HEATR5B: variants seen among roughly 807,000 people sequenced by gnomAD.
HEATR5B encodes HEAT repeat containing 5B.
A neutral mutation model predicts 224.1 loss-of-function variants in HEATR5B; 156 were observed. The observed-to-expected ratio is 0.70, with a 90% CI of 0.61 to 0.80. The LOEUF is 0.80. HEATR5B is among the 30% of genes least tolerant of loss of function. The pLI is 0.00. For missense variants in HEATR5B, 2,323 were observed against 2,535.5 expected, an observed-to-expected ratio of 0.92 and a Z score of 1.80; for synonymous variants, 1,027 against 893.0, an observed-to-expected ratio of 1.15 and a Z score of -2.68.
rs184174449 is a variant in HEATR5B at position 37,046,314 on chromosome 2, C to T, written c.2696+3339G>A. ...TTTATTAAAACTCTTAATAAGCTATCCACAACCAGACTTCTGGCAACCTCA... is the reference window on the plus strand; with the variant it reads ...TTTATTAAAACTCTTAATAAGCTATTCACAACCAGACTTCTGGCAACCTCA... On this transcript the variant is annotated intron_variant, in intron 18 of 35. Transcript: ENST00000233099. Among the ~76,000 whole-genome samples, 170 of 152,246 alleles carry T rather than the reference C, an allele frequency of 1.1e-3. 1 individual carries two copies. Among genetic ancestry groups the T allele is most frequent in the Non-Finnish European group, 1.9e-3 (128 of 68,014 alleles).
rs1005029215 is a variant in HEATR5B, at chr2:37,036,773, A to T, written c.3216+1082T>A. On this transcript the variant is annotated intron_variant, in intron 21 of 35. Transcript: ENST00000233099. The stretch of plus-strand genomic sequence containing the variant: ...GTGATCCCCCCGCCTTGGCCTCTCA[A>T]AGTGCTGGGATTACAGGCATGACCC... 6.6e-5 allele frequency among the ~76,000 whole-genome samples: 10 copies of T among 152,112 alleles called. No individual in the cohort carries two copies. In the East Asian group the frequency reaches 1.7e-3, roughly 27 times the overall value.
At chr2:37,074,814 C>T (rs765245533) in intron 5 of HEATR5B, among the ~76,000 whole-genome samples, 10 of 152,032 alleles carry the variant, frequency 6.6e-5, no homozygotes, top group Non-Finnish European at 1.5e-4. Flanking sequence ...TTAGTCATCA[C>T]GGAAATGCAA....
At chr2:37,027,072 G>A (rs930695220) in intron 24 of HEATR5B, among the ~76,000 whole-genome samples, 38 of 152,138 alleles carry the variant, frequency 2.5e-4, no homozygotes, top group Admixed American at 2.4e-3. Context: ...GTGCTGGGAT[G>A]TAATTACAGG....
intron 4 of HEATR5B, 99 bp from the exon 5 acceptor site, chr2:37,075,733 C>T: frequency 1.4e-6 from 1 of 713,382 alleles, no homozygotes; most frequent in Non-Finnish European, 2.2e-6. Context: ...ATGGTCTTAC[C>T]TCCAAATTAT....
intron 35 of HEATR5B, 94 bp downstream of exon 35, chr2:36,988,552 G>A (rs376781638): frequency 9.2e-7 from 1 of 1,088,960 alleles, no homozygotes; most frequent in African/African-American, 1.6e-5. Context: ...GTAAGCCACT[G>A]CGCCCAGCAG....
intron 12 of HEATR5B, among the ~76,000 whole-genome samples, chr2:37,060,303 G>A (rs967802959): frequency 4.0e-5 from 6 of 151,858 alleles, no homozygotes; most frequent in Non-Finnish European, 1.5e-5. Context: ...GTGCTTCTTT[G>A]ACAGGTAAGA....
chr2:37,073,450 G>A (rs1672030137), intron 5 of HEATR5B, among the ~76,000 whole-genome samples: 1 of 152,060 alleles, frequency 6.6e-6, no homozygotes, highest in East Asian at 1.9e-4. Context: ...CGCTATGTTG[G>A]CCAGGCTGGT....
At chr2:37,065,175 A>G (rs1671515562) in intron 9 of HEATR5B, among the ~76,000 whole-genome samples, 185 bp from the exon 10 acceptor site, 1 of 152,252 alleles carries the variant, frequency 6.6e-6, no homozygotes, top group Non-Finnish European at 1.5e-5. Context: ...TGAAGAACAT[A>G]GTACAATTAT....
intron 5 of HEATR5B, among the ~76,000 whole-genome samples, chr2:37,074,440 A>G (rs1323252060): frequency 6.6e-6 from 1 of 152,142 alleles, no homozygotes; most frequent in Admixed American, 6.5e-5. Flanking sequence ...AATGGATCAC[A>G]TATCTAAGTA....
At chr2:37,008,551 T>C (rs748671943) in intron 28 of HEATR5B, 60 bp downstream of exon 28, 3 of 1,138,228 alleles carry the variant, frequency 2.6e-6, no homozygotes, top group Non-Finnish European at 4.0e-6. Context: ...ATACCGTCTC[T>C]ATTTTGTTTA....
rs187302894 is a variant in HEATR5B, at chr2:37,084,326, G to T, written c.-80C>A. 3 of 406,844 alleles carry T rather than the reference G, an allele frequency of 7.4e-6. No individual in the cohort carries two copies. The highest frequency in any genetic ancestry group is 6.2e-5 in the African/African-American group (3 of 48,758). 25.2% of individuals were successfully genotyped at this position (406,844 alleles called of 1,614,324 possible). A position where few individuals can be genotyped will look rare whatever the true frequency, so the allele number is the denominator to read the frequency against. On this transcript the variant is annotated 5_prime_UTR_variant, in exon 1 of 36. Coordinates refer to ENST00000233099, the MANE Select transcript of HEATR5B (RefSeq NM_019024.3). ...CCGGGGGTAGAAGCAGCCACCAAGA[G>T]ACCCGGATGCCCCACCTCCCGCACT...
At chr2:37,021,934 G>A (rs1668487667) in intron 24 of HEATR5B, among the ~76,000 whole-genome samples, 1 of 150,994 alleles carries the variant, frequency 6.6e-6, no homozygotes, top group Admixed American at 6.6e-5. Flanking sequence ...AGCCTCATAG[G>A]AATATAATAA....
intron 31 of HEATR5B, 52 bp downstream of exon 31, chr2:37,003,490 T>C: frequency 7.8e-7 from 1 of 1,287,732 alleles, no homozygotes. Context: ...ATTTTAAAAA[T>C]TAGAGTATAA....
At chr2:37,013,476 G>C (rs929174284) in intron 27 of HEATR5B, among the ~76,000 whole-genome samples, 1 of 152,188 alleles carries the variant, frequency 6.6e-6, no homozygotes, top group Admixed American at 6.5e-5. Flanking sequence ...TTTGGGCCCA[G>C]AAGTTCAAGT....
intron 24 of HEATR5B, 57 bp from the exon 25 acceptor site, chr2:37,020,893 C>A: frequency 1.1e-5 from 10 of 950,178 alleles, no homozygotes; most frequent in South Asian, 4.3e-5. Flanking sequence ...AGTGTAATAA[C>A]ATAAAAATAT....
At chr2:37,006,665 A>G (rs1384196676) in intron 29 of HEATR5B, among the ~76,000 whole-genome samples, 3 of 152,164 alleles carry the variant, frequency 2.0e-5, no homozygotes. Context: ...AAAAACAAGA[A>G]ACAAAAAAGC....
intron 18 of HEATR5B, 148 bp downstream of exon 18, chr2:37,049,505 C>T (rs1359920463): frequency 9.1e-5 from 62 of 681,960 alleles, no homozygotes; most frequent in South Asian, 8.4e-4. Context: ...GAATCAACTG[C>T]TAAATTAAAA....
At chr2:37,056,735 T>G in intron 15 of HEATR5B, 120 bp from the exon 16 acceptor site, 2 of 810,632 alleles carry the variant, frequency 2.5e-6, no homozygotes. Context: ...AAAGAATGAT[T>G]GGATCCGAAC....
intron 28 of HEATR5B, 151 bp downstream of exon 28, chr2:37,008,460 G>A: frequency 1.6e-6 from 1 of 640,420 alleles, no homozygotes. Flanking sequence ...TCAATATAGA[G>A]TACATATTCT....
Sources: gnomAD v4.1 joint callset for allele counts (sites outside exome capture counted in the v4.1 genomes callset) on GRCh38, gnomAD v4.1.1 for gene constraint, MANE v1.5 for transcripts, NCBI Gene and HGNC (gene_info 2026-07-23, HGNC 2026-07-21) for gene names.